TMEM200A: variants seen among roughly 807,000 people sequenced by gnomAD.
TMEM200A encodes transmembrane protein 200A.
In TMEM200A, 12 loss-of-function variants were observed where a neutral mutation model predicts 24.3. The observed-to-expected ratio is 0.49, with a 90% CI of 0.32 to 0.80. The LOEUF (loss-of-function observed/expected upper bound fraction) is 0.80, where lower values mean the gene tolerates loss of function less well. Ranked by LOEUF, TMEM200A falls within the 30% of genes least tolerant of loss-of-function variation. The pLI is 0.04. For missense variants in TMEM200A, 545 were observed against 614.4 expected, an observed-to-expected ratio of 0.89 and a Z score of 1.19; for synonymous variants, 224 against 224.4, an observed-to-expected ratio of 1.00 and a Z score of 0.02.
chr6:130,427,699 T>C (rs1779779392), intron 2 of TMEM200A, among the ~76,000 whole-genome samples: 1 of 152,028 alleles, frequency 6.6e-6, no homozygotes, highest in Non-Finnish European at 1.5e-5. Context: ...ACCTCACCAA[T>C]AATGGTCATA....
intron 2 of TMEM200A, among the ~76,000 whole-genome samples, chr6:130,405,377 A>C (rs1376721057): frequency 6.6e-6 from 1 of 151,926 alleles, no homozygotes. Flanking sequence ...TCACCTCCCT[A>C]GTTAGCCGTA....
At chr6:130,395,816 C>T (rs1317434474) in intron 2 of TMEM200A, among the ~76,000 whole-genome samples, 1 of 152,166 alleles carries the variant, frequency 6.6e-6, no homozygotes, top group African/African-American at 2.4e-5. Flanking sequence ...AAGTGTTACG[C>T]TTAACAGCAG....
chr6:130,401,411 CTTTCTCTT>C (rs1308545157), intron 2 of TMEM200A, among the ~76,000 whole-genome samples: 1 of 145,166 alleles, frequency 6.9e-6, no homozygotes, highest in African/African-American at 2.6e-5. Flanking sequence ...CTTTTTCTTT[CTTTCTCTT>C]TCTTTCTTTC....
At chr6:130,414,970 T>C (rs1779415804) in intron 2 of TMEM200A, among the ~76,000 whole-genome samples, 1 of 152,150 alleles carries the variant, frequency 6.6e-6, no homozygotes, top group Non-Finnish European at 1.5e-5. Flanking sequence ...CCTTTGGATA[T>C]GAAATATAAA....
intron 1 of TMEM200A, among the ~76,000 whole-genome samples, chr6:130,383,845 C>T (rs1003900420): frequency 4.6e-5 from 7 of 152,168 alleles, no homozygotes; most frequent in Middle Eastern, 3.4e-3. Context: ...AGGCAGGGAG[C>T]GGTGGTTCAT....
chr6:130,372,576 G>A (rs1177796382), intron 1 of TMEM200A, among the ~76,000 whole-genome samples: 2 of 152,156 alleles, frequency 1.3e-5, no homozygotes, highest in Non-Finnish European at 2.9e-5. Context: ...GAGGGAGAGA[G>A]GACACTCGCT....
At chr6:130,393,695 T>C (rs1280587905) in intron 2 of TMEM200A, among the ~76,000 whole-genome samples, 1 of 152,204 alleles carries the variant, frequency 6.6e-6, no homozygotes, top group Non-Finnish European at 1.5e-5. Context: ...TCAAGATTAT[T>C]TTCCAGGCCC....
intron 2 of TMEM200A, among the ~76,000 whole-genome samples, chr6:130,417,704 A>G (rs1453413773): frequency 1.3e-5 from 2 of 150,920 alleles, no homozygotes; most frequent in African/African-American, 2.5e-5. Flanking sequence ...AAGTAGACAT[A>G]CACACACAAA....
chr6:130,436,012 C>G (rs1779998693), intron 2 of TMEM200A, among the ~76,000 whole-genome samples: 1 of 152,104 alleles, frequency 6.6e-6, no homozygotes. Context: ...GTTGATTGGT[C>G]CACAGGCCTA....
chr6:130,386,465 A>G (rs1005516714), intron 2 of TMEM200A, among the ~76,000 whole-genome samples: 3 of 152,198 alleles, frequency 2.0e-5, no homozygotes, highest in African/African-American at 4.8e-5. Context: ...ATTGTCAGCC[A>G]AAGACTGGCA....
intron 2 of TMEM200A, among the ~76,000 whole-genome samples, chr6:130,424,626 T>A (rs1395445490): frequency 1.3e-5 from 2 of 152,164 alleles, no homozygotes; most frequent in Non-Finnish European, 2.9e-5. Context: ...TTTATTTAAT[T>A]TCAATTTGAA....
At chr6:130,390,988 T>C (rs1253453844) in intron 2 of TMEM200A, among the ~76,000 whole-genome samples, 1 of 152,204 alleles carries the variant, frequency 6.6e-6, no homozygotes, top group Non-Finnish European at 1.5e-5. Context: ...CCCCAAGTTG[T>C]AGCAAAAAAT....
chr6:130,391,764 A>G (rs1778838557), intron 2 of TMEM200A, among the ~76,000 whole-genome samples: 1 of 102,520 alleles, frequency 9.8e-6, no homozygotes, highest in Admixed American at 1.5e-4. Context: ...TTTTTTTGAG[A>G]CAGAGTCTCG....
At chr6:130,406,759 C>A (rs557523795) in intron 2 of TMEM200A, among the ~76,000 whole-genome samples, 16 of 152,270 alleles carry the variant, frequency 1.1e-4, no homozygotes, top group South Asian at 2.1e-4. Flanking sequence ...AGTCCTCTCT[C>A]CTTAATTTGT....
chr6:130,420,561 T>C (rs1007806428), intron 2 of TMEM200A, among the ~76,000 whole-genome samples: 28 of 152,174 alleles, frequency 1.8e-4, no homozygotes, highest in African/African-American at 6.5e-4. Flanking sequence ...CTTCATGGAG[T>C]TGGGAAATTG....
chr6:130,380,794 C>T (rs1339883977), intron 1 of TMEM200A, among the ~76,000 whole-genome samples: 5 of 152,164 alleles, frequency 3.3e-5, no homozygotes, highest in African/African-American at 1.2e-4. Flanking sequence ...AATCTACCAA[C>T]ATAATCTTTT....
chr6:130,436,427 CA>C (rs11285357), intron 2 of TMEM200A, among the ~76,000 whole-genome samples: 7,898 of 113,064 alleles, frequency 0.07, 724 homozygotes, highest in African/African-American at 0.23. Flanking sequence ...CAAAACAAAA[CA>C]AAAAAAAACA....
At chr6:130,380,602 G>A (rs1778573303) in intron 1 of TMEM200A, among the ~76,000 whole-genome samples, 1 of 152,038 alleles carries the variant, frequency 6.6e-6, no homozygotes, top group South Asian at 2.1e-4. Flanking sequence ...GCTTATCTTG[G>A]CCCATTCTGT....
rs60874352 is a variant in TMEM200A at position 130,428,544 on chromosome 6, C to T, written c.-16-11863C>T. ...AACTCTGAACCAATTAATTTTGTCT[C>T]CTGGAATTCTAGGTGAAAACTCTTA... On this transcript the variant is annotated intron_variant, in intron 2 of 2. Transcript: ENST00000296978. 4.2e-3 allele frequency among the ~76,000 whole-genome samples: 636 copies of T among 152,186 alleles called. 6 individuals are homozygous for T. The highest frequency in any genetic ancestry group is 0.014 in the African/African-American group (592 of 41,522).
Sources: allele counts gnomAD v4.1 joint callset (sites outside exome capture counted in the v4.1 genomes callset), GRCh38; gene constraint gnomAD v4.1.1; transcripts MANE v1.5; gene names NCBI Gene and HGNC (gene_info 2026-07-23, HGNC 2026-07-21).